The following ANO10 variants were observed in gnomAD, a reference collection of about 807,000 sequenced individuals.
The protein encoded by ANO10 is anoctamin-10.
A neutral mutation model predicts 74.7 loss-of-function variants in ANO10; 77 were observed. That is an observed-to-expected ratio of 1.03 (90% CI 0.86 to 1.25). The LOEUF is 1.25. Ranked by LOEUF, ANO10 falls within the 50% of genes most tolerant of loss-of-function variation. ANO10 has a pLI of 0.00. For missense variants in ANO10, 721 were observed against 778.1 expected, an observed-to-expected ratio of 0.93 and a Z score of 0.87; for synonymous variants, 279 against 284.9, an observed-to-expected ratio of 0.98 and a Z score of 0.21.
intron 12 of ANO10, among the ~76,000 whole-genome samples, chr3:43,402,794 C>T (rs2092507012): frequency 6.6e-6 from 1 of 152,138 alleles, no homozygotes; most frequent in Admixed American, 6.5e-5. Flanking sequence ...CTTAGTGTCC[C>T]TATTAAAAAC....
At chr3:43,448,566 T>G (rs1430665776) in intron 11 of ANO10, among the ~76,000 whole-genome samples, 1 of 152,224 alleles carries the variant, frequency 6.6e-6, no homozygotes, top group Non-Finnish European at 1.5e-5. Context: ...CTCATATAGA[T>G]GTACAACATA....
intron 4 of ANO10, among the ~76,000 whole-genome samples, chr3:43,584,818 C>G (rs1391315419): frequency 6.6e-6 from 1 of 152,106 alleles, no homozygotes; most frequent in African/African-American, 2.4e-5. Context: ...CAACTTTACA[C>G]GCGTGTGTAA....
At chr3:43,428,853 T>G (rs1403693583) in intron 12 of ANO10, among the ~76,000 whole-genome samples, 1 of 140,168 alleles carries the variant, frequency 7.1e-6, no homozygotes, top group Non-Finnish European at 1.5e-5. Context: ...GATTTTCCCA[T>G]TAGGAAGGCT....
chr3:43,546,004 G>A (rs1320836454), intron 11 of ANO10, among the ~76,000 whole-genome samples: 1 of 152,168 alleles, frequency 6.6e-6, no homozygotes, highest in Non-Finnish European at 1.5e-5. Context: ...CACTAGAATA[G>A]CATTGGTAAA....
intron 11 of ANO10, among the ~76,000 whole-genome samples, chr3:43,451,369 T>A (rs1231453562): frequency 6.6e-6 from 1 of 152,184 alleles, no homozygotes; most frequent in African/African-American, 2.4e-5. Context: ...CCATTCCAGC[T>A]TCAGAGCTCC....
chr3:43,653,779 A>G (rs1324039950), intron 1 of ANO10, among the ~76,000 whole-genome samples: 1 of 152,194 alleles, frequency 6.6e-6, no homozygotes, highest in African/African-American at 2.4e-5. Flanking sequence ...CTCTTTCCGC[A>G]TACCTAGAAC....
At chr3:43,597,080 G>A (rs552018846) in intron 4 of ANO10, among the ~76,000 whole-genome samples, 46 of 152,312 alleles carry the variant, frequency 3.0e-4, no homozygotes, top group African/African-American at 9.9e-4. Context: ...TCTCACACCA[G>A]TTAAAATGGT....
intron 1 of ANO10, among the ~76,000 whole-genome samples, chr3:43,648,154 C>T (rs2083746537): frequency 6.6e-6 from 1 of 152,226 alleles, no homozygotes; most frequent in African/African-American, 2.4e-5. Flanking sequence ...ACTTTATTCA[C>T]ATAAATACAA....
At chr3:43,600,952 T>C (rs941957873) in intron 2 of ANO10, among the ~76,000 whole-genome samples, 3 of 152,152 alleles carry the variant, frequency 2.0e-5, no homozygotes, top group African/African-American at 7.2e-5. Context: ...TGGAACAAAA[T>C]GTTTCAGTAA....
intron 12 of ANO10, among the ~76,000 whole-genome samples, chr3:43,380,069 C>A (rs760395234): frequency 6.6e-6 from 1 of 152,090 alleles, no homozygotes; most frequent in Non-Finnish European, 1.5e-5. Flanking sequence ...GCAACAGAAT[C>A]GAACCAACAG....
chr3:43,488,457 TCAAA>T (rs1480887597), intron 11 of ANO10, among the ~76,000 whole-genome samples: 3 of 149,738 alleles, frequency 2.0e-5, no homozygotes, highest in Non-Finnish European at 4.5e-5. Context: ...TACAATGAAC[TCAAA>T]CAAATTTACA....
chr3:43,441,205 C>G (rs1182871159), intron 11 of ANO10, among the ~76,000 whole-genome samples: 1 of 123,232 alleles, frequency 8.1e-6, no homozygotes, highest in Non-Finnish European at 1.7e-5. Context: ...AATAAACAGA[C>G]TAGAAAAACA....
chr3:43,403,353 C>T (rs2092517756), intron 12 of ANO10, among the ~76,000 whole-genome samples: 2 of 152,212 alleles, frequency 1.3e-5, no homozygotes, highest in Non-Finnish European at 1.5e-5. Flanking sequence ...AGCTTTTGGT[C>T]TAATACCTAG....
chr3:43,615,676 C>T (rs897943792), intron 1 of ANO10, among the ~76,000 whole-genome samples: 6 of 150,764 alleles, frequency 4.0e-5, no homozygotes, highest in African/African-American at 1.2e-4. Flanking sequence ...TTTCTTGAGA[C>T]GGAGTCTCAT....
At chr3:43,566,143 C>G (rs375024775) in intron 7 of ANO10, among the ~76,000 whole-genome samples, 2,843 of 152,270 alleles carry the variant, frequency 0.019, 79 homozygotes, top group African/African-American at 0.063. Flanking sequence ...TAAAAAATGG[C>G]GCACCACGAG....
chr3:43,570,044 C>T (rs1417006711), intron 7 of ANO10, among the ~76,000 whole-genome samples: 3 of 146,560 alleles, frequency 2.0e-5, no homozygotes, highest in African/African-American at 7.6e-5. Flanking sequence ...ACACCAACAA[C>T]AGACAGAGAG....
intron 12 of ANO10, chr3:43,372,803 G>T: frequency 6.5e-7 from 1 of 1,531,716 alleles, no homozygotes; most frequent in African/African-American, 1.4e-5. Context: ...CTGAGTTGGT[G>T]CTCCATGAAT....
At chr3:43,618,754 T>A (rs2083242909) in intron 1 of ANO10, among the ~76,000 whole-genome samples, 1 of 152,190 alleles carries the variant, frequency 6.6e-6, no homozygotes, top group South Asian at 2.1e-4. Context: ...CCCAGAAGAT[T>A]TAGAAATGGC....
intron 11 of ANO10, among the ~76,000 whole-genome samples, chr3:43,487,302 A>G (rs2076533011): frequency 6.6e-6 from 1 of 152,162 alleles, no homozygotes; most frequent in African/African-American, 2.4e-5. Context: ...TTGGTATCAG[A>G]ATGATGCTGG....
Sources: allele counts gnomAD v4.1 joint callset (sites outside exome capture counted in the v4.1 genomes callset), GRCh38; gene constraint gnomAD v4.1.1; transcripts MANE v1.5; gene names NCBI Gene and HGNC (gene_info 2026-07-23, HGNC 2026-07-21).